The following EIF2S2 variants were observed in gnomAD, a reference collection of about 807,000 sequenced individuals.
EIF2S2 encodes the protein eukaryotic translation initiation factor 2 subunit beta, also known as eukaryotic translation initiation factor 2 subunit 2.
In EIF2S2, 4 loss-of-function variants were observed where a neutral mutation model predicts 44.0. The ratio of observed to expected loss-of-function variants is 0.09; its 90% CI spans 0.04 to 0.21. The LOEUF (loss-of-function observed/expected upper bound fraction) is 0.21. Ranked by LOEUF, EIF2S2 falls within the 10% of genes least tolerant of loss-of-function variation. EIF2S2 has a pLI of 1.00. For synonymous variants in EIF2S2, 108 were observed against 128.3 expected (o/e 0.84, Z 1.07); for missense variants, 154 against 392.0 (o/e 0.39, Z 5.13).
intron 3 of EIF2S2, among the ~76,000 whole-genome samples, chr20:34,099,860 G>T (rs998827529): frequency 6.6e-5 from 10 of 152,146 alleles, no homozygotes; most frequent in African/African-American, 2.2e-4. Context: ...ATGGGGGTGG[G>T]AGCTGAGGGG....
At chr20:34,091,925 A>T (rs1404130510) in intron 7 of EIF2S2, among the ~76,000 whole-genome samples, 1 of 151,904 alleles carries the variant, frequency 6.6e-6, no homozygotes, top group East Asian at 1.9e-4. Context: ...TGTTTGAAGA[A>T]AAAAAAAGGA....
At chr20:34,093,979 C>T (rs1481772436) in intron 6 of EIF2S2, among the ~76,000 whole-genome samples, 1 of 152,170 alleles carries the variant, frequency 6.6e-6, no homozygotes, top group Non-Finnish European at 1.5e-5. Flanking sequence ...TAACCTCAAA[C>T]TCCTGAGCTC....
chr20:34,099,195 C>T (rs974240653), intron 3 of EIF2S2, among the ~76,000 whole-genome samples: 4 of 151,998 alleles, frequency 2.6e-5, no homozygotes, highest in Admixed American at 2.0e-4. Flanking sequence ...ATGGTAAAAC[C>T]CCACACCTAC....
At chr20:34,098,684 T>C (rs2034261221) in intron 3 of EIF2S2, 51 bp from the exon 4 acceptor site, 2 of 1,569,686 alleles carry the variant, frequency 1.3e-6, no homozygotes, top group Non-Finnish European at 1.7e-6. Flanking sequence ...TATTCTTTTT[T>C]ATTTATTTTA....
At chr20:34,099,479 T>C (rs991830093) in intron 3 of EIF2S2, among the ~76,000 whole-genome samples, 5 of 152,280 alleles carry the variant, frequency 3.3e-5, no homozygotes, top group Middle Eastern at 3.4e-3. Flanking sequence ...TTTGATATAG[T>C]CATTGGGAAA....
intron 2 of EIF2S2, among the ~76,000 whole-genome samples, 164 bp from the exon 3 acceptor site, chr20:34,103,729 T>TGA (rs926698785): frequency 1.3e-5 from 2 of 151,524 alleles, no homozygotes; most frequent in African/African-American, 4.9e-5. Flanking sequence ...TTTTTTGAGA[T>TGA]GGAGTCTTGC....
chr20:34,100,500 G>A (rs377414509), intron 3 of EIF2S2, among the ~76,000 whole-genome samples: 1 of 152,296 alleles, frequency 6.6e-6, no homozygotes, highest in South Asian at 2.1e-4. Flanking sequence ...TCATTAATTA[G>A]TATCTATTTT....
In EIF2S2 at chr20:34,089,055, T is replaced by C. The variant is rs376956300; in HGVS notation, c.*675A>G. ...AGGCTATGTTTCTAAGACCTCTTAG[T>C]GGCCAACGAGGAAGGAGGGTACCTA... is the stretch of plus-strand genomic sequence containing the variant. On this transcript the variant is annotated 3_prime_UTR_variant, in exon 9 of 9. Coordinates refer to ENST00000374980, the MANE Select transcript of EIF2S2 (RefSeq NM_003908.5). 5 of 152,600 alleles carry C rather than the reference T, an allele frequency of 3.3e-5. No homozygotes were observed. The East Asian group carries it at 7.7e-4, about 24-fold the overall frequency. The allele number at this position is 152,600 out of a possible 1,614,324, so 9.5% of individuals were successfully genotyped here.
At chr20:34,098,349 C>T in intron 4 of EIF2S2, 149 bp downstream of exon 4, 1 of 773,208 alleles carries the variant, frequency 1.3e-6, no homozygotes. Context: ...CATTATCAAG[C>T]CAAACACTGT....
At chr20:34,098,358 G>A (rs774192573) in intron 4 of EIF2S2, 140 bp downstream of exon 4, 80 of 848,234 alleles carry the variant, frequency 9.4e-5, no homozygotes, top group Non-Finnish European at 1.3e-4. Flanking sequence ...GCCAAACACT[G>A]TTTCCTTTCG....
At position 34,092,124 on chromosome 20, in the gene EIF2S2, C is replaced by T. The variant is rs191996660; in HGVS notation, c.741-1522G>A. 8.5e-4 allele frequency among the ~76,000 whole-genome samples: 130 copies of T among 152,288 alleles called. 1 individual carries two copies. Among genetic ancestry groups the T allele is most frequent in the Admixed American group, 2.7e-3 (42 of 15,302 alleles). ...AAATTTCCTCCTCCACAGATTGTAA[C>T]CCTTAATCTCCAGGCTACAGTGATT... On this transcript the variant is annotated intron_variant, in intron 7 of 8. Transcript: ENST00000374980.
In EIF2S2 at chr20:34,089,221, TCAAGGTCCCACCACACTCGCGTGGGA is replaced by T. The variant is rs16434; in HGVS notation, c.*483_*508del. On this transcript the variant is annotated 3_prime_UTR_variant, in exon 9 of 9. Coordinates refer to ENST00000374980, the MANE Select transcript of EIF2S2 (RefSeq NM_003908.5). Reference sequence around the variant, plus strand: ...TGAAAACAGGCAATCCTCCTAAGTCTCAAGGTCCCACCACACTCGCGTGGGAGGCCGTGTCTACTTTAACTATGTAT... The same window carrying T: ...TGAAAACAGGCAATCCTCCTAAGTCTGGCCGTGTCTACTTTAACTATGTAT... The T allele has an allele frequency of 0.52, 80,400 of 153,258 alleles. 23,238 individuals carry two copies. The highest frequency in any genetic ancestry group is 0.75 in the South Asian group (3,635 of 4,858). 9.5% of individuals were successfully genotyped at this position (153,258 alleles called of 1,614,324 possible). A position where few individuals can be genotyped will look rare whatever the true frequency, so the allele number is the denominator to read the frequency against.
intron 1 of EIF2S2, among the ~76,000 whole-genome samples, chr20:34,108,767 T>C (rs1406755355): frequency 1.3e-5 from 2 of 152,154 alleles, no homozygotes; most frequent in African/African-American, 2.4e-5. Context: ...CTTCCTCTCA[T>C]AGATCATACC....
At chr20:34,111,799 GTTA>G (rs1381906110) in intron 1 of EIF2S2, among the ~76,000 whole-genome samples, 1 of 152,234 alleles carries the variant, frequency 6.6e-6, no homozygotes, top group Non-Finnish European at 1.5e-5. Flanking sequence ...CTCGTTCGGG[GTTA>G]TTAACCGGGC....
At chr20:34,105,236 A>G in intron 2 of EIF2S2, 132 bp downstream of exon 2, 1 of 880,694 alleles carries the variant, frequency 1.1e-6, no homozygotes. Flanking sequence ...CACTGCATAC[A>G]GACTACTGAT....
At chr20:34,093,363 C>G (rs2034189802) in intron 7 of EIF2S2, among the ~76,000 whole-genome samples, 1 of 152,176 alleles carries the variant, frequency 6.6e-6, no homozygotes, top group African/African-American at 2.4e-5. Flanking sequence ...AAAACCAATT[C>G]CTCTAAAAAT....
intron 7 of EIF2S2, among the ~76,000 whole-genome samples, chr20:34,091,281 G>T (rs1267429397): frequency 6.6e-6 from 1 of 152,174 alleles, no homozygotes; most frequent in Non-Finnish European, 1.5e-5. Context: ...ATAAAAACAG[G>T]AAAGGGGCTA....
At position 34,088,969 on chromosome 20, in the gene EIF2S2, T is replaced by A. The variant is rs2034128274; in HGVS notation, c.*761A>T. ...CCTGAACCGCACACACATCGCTTCCTCACCAAGAGAGATGCTCAACTAGGA... is the reference window on the plus strand; with the variant it reads ...CCTGAACCGCACACACATCGCTTCCACACCAAGAGAGATGCTCAACTAGGA... On this transcript the variant is annotated 3_prime_UTR_variant, in exon 9 of 9. Coordinates refer to ENST00000374980, the MANE Select transcript of EIF2S2 (RefSeq NM_003908.5). 6.6e-6 allele frequency: 1 copy of A among 152,544 alleles called. No individual in the cohort carries two copies. The highest frequency in any genetic ancestry group is 2.4e-5 in the African/African-American group (1 of 41,412). 9.4% of individuals were successfully genotyped at this position (152,544 alleles called of 1,614,324 possible). A position where few individuals can be genotyped will look rare whatever the true frequency, so the allele number is the denominator to read the frequency against.
chr20:34,092,201 T>G (rs1244640613), intron 7 of EIF2S2, among the ~76,000 whole-genome samples: 2 of 152,176 alleles, frequency 1.3e-5, no homozygotes, highest in African/African-American at 4.8e-5. Context: ...ATAAATGGAA[T>G]TTTCTCGAAA....
Sources: gnomAD v4.1 joint callset for allele counts (sites outside exome capture counted in the v4.1 genomes callset) on GRCh38, gnomAD v4.1.1 for gene constraint, MANE v1.5 for transcripts, NCBI Gene and HGNC (gene_info 2026-07-23, HGNC 2026-07-21) for gene names.